Variants in TXNDC9 observed in about 807,000 individuals in gnomAD.
TXNDC9 encodes thioredoxin domain-containing protein 9.
TXNDC9 carries 7 observed loss-of-function variants against 23.0 expected under a neutral mutation model. The observed-to-expected ratio is 0.30, with a 90% CI of 0.17 to 0.57. The LOEUF (loss-of-function observed/expected upper bound fraction) is 0.57, where lower values mean the gene tolerates loss of function less well. Among genes scored for constraint, TXNDC9 ranks in the 20% least tolerant of loss-of-function variants. TXNDC9 has a pLI of 0.90. For missense variants in TXNDC9, 198 were observed against 252.6 expected (o/e 0.78, Z 1.47); for synonymous variants, 72 against 90.6 (o/e 0.79, Z 1.17).
At chr2:99,307,290 G>A in the TXNDC9 span, among the ~76,000 whole-genome samples, 1 of 151,874 alleles carries the variant, frequency 6.6e-6, no homozygotes, top group Non-Finnish European at 1.5e-5. Context: ...AAAATGCCAG[G>A]ACATTCTTGA....
intron 2 of TXNDC9, among the ~76,000 whole-genome samples, chr2:99,330,940 G>A (rs928202220): frequency 4.6e-5 from 7 of 152,108 alleles, no homozygotes; most frequent in Admixed American, 3.9e-4. Context: ...TGAATTACTC[G>A]ATGACAAATT....
At chr2:99,317,635 C>G (rs1286146417), downstream of TXNDC9, among the ~76,000 whole-genome samples, 1 of 152,014 alleles carries the variant, frequency 6.6e-6, no homozygotes, top group Non-Finnish European at 1.5e-5. Flanking sequence ...ACTAGCTAAC[C>G]ACTCATTTTT....
chr2:99,329,520 A>C (rs561214852), intron 2 of TXNDC9, among the ~76,000 whole-genome samples: 1 of 152,370 alleles, frequency 6.6e-6, no homozygotes, highest in South Asian at 2.1e-4. Flanking sequence ...TGTCAAAATC[A>C]CATCCATTTA....
chr2:99,318,112 A>G (rs1257262622), downstream of TXNDC9, among the ~76,000 whole-genome samples: 1 of 152,110 alleles, frequency 6.6e-6, no homozygotes, highest in East Asian at 1.9e-4. Context: ...GCTGGTCTTG[A>G]ACTCCTAACC....
chr2:99,327,479 A>G, intron 3 of TXNDC9, 56 bp downstream of exon 3: 1 of 1,285,054 alleles, frequency 7.8e-7, no homozygotes, highest in Non-Finnish European at 1.1e-6. Context: ...GTATATCTCC[A>G]GCCAAACAAT....
intron 2 of TXNDC9, among the ~76,000 whole-genome samples, chr2:99,332,129 G>A (rs11687870): frequency 0.39 from 59,737 of 152,110 alleles, 12,596 homozygotes; most frequent in East Asian, 0.64. Context: ...ATGTAACCCA[G>A]TGGAAAAAAT....
downstream of TXNDC9, among the ~76,000 whole-genome samples, chr2:99,318,137 C>T (rs539131087): frequency 3.3e-5 from 5 of 152,172 alleles, no homozygotes; most frequent in South Asian, 2.1e-4. Context: ...GTGATCTGCC[C>T]GCCTTGGCCT....
intron 2 of TXNDC9, among the ~76,000 whole-genome samples, chr2:99,330,791 T>C (rs1014945027): frequency 6.6e-6 from 1 of 152,186 alleles, no homozygotes; most frequent in Non-Finnish European, 1.5e-5. Context: ...AAAATCAAAA[T>C]TACTGCATAA....
intron 1 of TXNDC9, among the ~76,000 whole-genome samples, chr2:99,333,582 A>C (rs931652542): frequency 2.0e-5 from 3 of 152,216 alleles, no homozygotes; most frequent in African/African-American, 7.2e-5. Context: ...ATATACTGAC[A>C]ATCAGTGTTC....
chr2:99,309,188 C>A, the TXNDC9 span, among the ~76,000 whole-genome samples: 1 of 151,708 alleles, frequency 6.6e-6, no homozygotes, highest in Admixed American at 6.6e-5. Context: ...GCCTGGCCCG[C>A]ATGACGAAAC....
downstream of TXNDC9, among the ~76,000 whole-genome samples, chr2:99,317,146 T>C (rs2094191055): frequency 6.6e-6 from 1 of 152,238 alleles, no homozygotes; most frequent in Non-Finnish European, 1.5e-5. Flanking sequence ...CAGTTTCCTT[T>C]AGTTTTTTTT....
At chr2:99,333,497 T>C (rs549536649) in intron 1 of TXNDC9, among the ~76,000 whole-genome samples, 104 of 152,328 alleles carry the variant, frequency 6.8e-4, no homozygotes, top group African/African-American at 2.2e-3. Flanking sequence ...TGTTTTACTA[T>C]ACTAAAGCCA....
chr2:99,311,628 G>A, the TXNDC9 span, among the ~76,000 whole-genome samples: 4 of 151,238 alleles, frequency 2.6e-5, no homozygotes, highest in East Asian at 1.9e-4. Context: ...GCCTCAAGCC[G>A]TCCTCTATCC....
chr2:99,325,080 T>C (rs560685969), intron 3 of TXNDC9, among the ~76,000 whole-genome samples: 1 of 152,348 alleles, frequency 6.6e-6, no homozygotes, highest in African/African-American at 2.4e-5. Context: ...ACAACAGTCA[T>C]GGTATAAATA....
chr2:99,321,454 A>G (rs1024289451), intron 4 of TXNDC9: 3 of 152,382 alleles, frequency 2.0e-5, no homozygotes, highest in Admixed American at 1.3e-4. Flanking sequence ...AGCTAGGCAT[A>G]GAAACCTTTT....
chr2:99,335,212 C>A (rs2094235802), intron 1 of TXNDC9, among the ~76,000 whole-genome samples: 1 of 152,192 alleles, frequency 6.6e-6, no homozygotes, highest in Non-Finnish European at 1.5e-5. Flanking sequence ...CCAAACTTCA[C>A]AACAAACTGT....
chr2:99,328,946 G>A (rs530029290), intron 2 of TXNDC9, among the ~76,000 whole-genome samples: 4 of 152,106 alleles, frequency 2.6e-5, no homozygotes, highest in African/African-American at 7.2e-5. Context: ...CTGAGATCAC[G>A]CCACTGCCTG....
At chr2:99,322,330 C>T in intron 3 of TXNDC9, 121 bp from the exon 4 acceptor site, 7 of 1,373,908 alleles carry the variant, frequency 5.1e-6, no homozygotes, top group Non-Finnish European at 6.8e-6. Context: ...AACATGGCAG[C>T]CAACTTAAAC....
At chr2:99,321,356 T>C (rs536861122) in intron 4 of TXNDC9, 1 of 152,306 alleles carries the variant, frequency 6.6e-6, no homozygotes, top group African/African-American at 2.4e-5. Flanking sequence ...ATTAGATAAA[T>C]TATTTGTCTG....
Sources: gnomAD v4.1 joint callset for allele counts (sites outside exome capture counted in the v4.1 genomes callset) on GRCh38, gnomAD v4.1.1 for gene constraint, MANE v1.5 for transcripts, NCBI Gene and HGNC (gene_info 2026-07-23, HGNC 2026-07-21) for gene names.